Variants in ZNF609 observed in about 807,000 individuals in gnomAD.
The protein encoded by ZNF609 is zinc finger protein 609.
In ZNF609, 11 loss-of-function variants were observed where a neutral mutation model predicts 109.5. That is an observed-to-expected ratio of 0.10 (90% CI 0.06 to 0.17). ZNF609 has a LOEUF of 0.17. Among genes scored for constraint, ZNF609 ranks in the 10% least tolerant of loss-of-function variants. ZNF609 has a pLI of 1.00. For synonymous variants in ZNF609, 646 were observed against 662.0 expected, an observed-to-expected ratio of 0.98 and a Z score of 0.37; for missense variants, 1,559 against 1,772.4, an observed-to-expected ratio of 0.88 and a Z score of 2.16.
chr15:64,572,990 C>G (rs1055461626), intron 2 of ZNF609, among the ~76,000 whole-genome samples: 1 of 152,152 alleles, frequency 6.6e-6, no homozygotes, highest in Non-Finnish European at 1.5e-5. Flanking sequence ...AAGCATGGAC[C>G]TAGATTTTGG....
At chr15:64,656,035 GC>G (rs1284116191) in intron 3 of ZNF609, among the ~76,000 whole-genome samples, 1 of 151,974 alleles carries the variant, frequency 6.6e-6, no homozygotes, top group Non-Finnish European at 1.5e-5. Flanking sequence ...AAGCAACTCA[GC>G]ACTCAGTCAA....
chr15:64,524,934 G>A (rs912127390), intron 2 of ZNF609, among the ~76,000 whole-genome samples: 5 of 152,076 alleles, frequency 3.3e-5, no homozygotes, highest in Non-Finnish European at 7.4e-5. Context: ...TTACATTCCC[G>A]CTAGCAGTGT....
intron 2 of ZNF609, among the ~76,000 whole-genome samples, chr15:64,535,200 C>T (rs190662242): frequency 6.6e-6 from 1 of 152,176 alleles, no homozygotes; most frequent in East Asian, 1.9e-4. Context: ...AGGCGCATGC[C>T]ACCACCCCTG....
Position 64,477,869 on chromosome 15 carries a change from A to G in ZNF609, c.-128+17031A>G, listed in dbSNP as rs1163832462. ...GTCTTGGAACTCCTGACATCAGGTG[A>G]TCCACCCACCTCAGCCTCCCAAAGT... is the stretch of plus-strand genomic sequence containing the variant. On this transcript the variant is annotated intron_variant, in intron 1 of 9. Transcript: ENST00000326648. Among the ~76,000 whole-genome samples the G allele has an allele frequency of 2.6e-5, 4 of 151,982 alleles. No individual in the cohort carries two copies. In the East Asian group the frequency reaches 7.7e-4, roughly 29 times the overall value.
At chr15:64,578,966 T>A (rs1055454773) in intron 2 of ZNF609, among the ~76,000 whole-genome samples, 1 of 152,118 alleles carries the variant, frequency 6.6e-6, no homozygotes, top group African/African-American at 2.4e-5. Context: ...AGGGCCACTA[T>A]ATTCCAGCCT....
At chr15:64,654,615 A>G (rs1896463521) in intron 3 of ZNF609, among the ~76,000 whole-genome samples, 1 of 152,074 alleles carries the variant, frequency 6.6e-6, no homozygotes, top group South Asian at 2.1e-4. Context: ...GCGTGTGTTT[A>G]TCTCAACTGG....
chr15:64,547,204 C>T (rs1894379338), intron 2 of ZNF609, among the ~76,000 whole-genome samples: 1 of 152,156 alleles, frequency 6.6e-6, no homozygotes, highest in Admixed American at 6.5e-5. Context: ...ATATCAATGT[C>T]AATTAGCCCT....
intron 3 of ZNF609, among the ~76,000 whole-genome samples, chr15:64,627,533 A>G (rs560896153): frequency 1.5e-4 from 23 of 152,078 alleles, no homozygotes; most frequent in South Asian, 4.1e-4. Context: ...GGAGACTTCT[A>G]TATCTCTGCC....
At chr15:64,558,407 G>A (rs1894624904) in intron 2 of ZNF609, among the ~76,000 whole-genome samples, 1 of 152,156 alleles carries the variant, frequency 6.6e-6, no homozygotes, top group African/African-American at 2.4e-5. Context: ...TTCATAGGGT[G>A]GTTGGGAGAG....
chr15:64,506,996 G>C (rs909605569), intron 2 of ZNF609, among the ~76,000 whole-genome samples: 2 of 152,170 alleles, frequency 1.3e-5, no homozygotes, highest in African/African-American at 2.4e-5. Flanking sequence ...AATTTTCATG[G>C]TGGTGATGTG....
chr15:64,460,253 T>TC (rs963978014), upstream of ZNF609, among the ~76,000 whole-genome samples: 4 of 151,672 alleles, frequency 2.6e-5, no homozygotes, highest in African/African-American at 4.8e-5. Flanking sequence ...GGTGCAATAC[T>TC]CCCCCCAGAG....
chr15:64,497,496 C>G (rs1161586455), intron 1 of ZNF609, among the ~76,000 whole-genome samples: 4 of 152,150 alleles, frequency 2.6e-5, no homozygotes, highest in Non-Finnish European at 5.9e-5. Flanking sequence ...TACAATTTGT[C>G]TTGTCTGTGT....
chr15:64,665,705 T>A (rs1567042605), intron 3 of ZNF609, among the ~76,000 whole-genome samples: 1 of 150,484 alleles, frequency 6.6e-6, no homozygotes, highest in East Asian at 2.0e-4. Flanking sequence ...AGGTCAGGAG[T>A]TTGAGACCAG....
At chr15:64,496,571 A>G (rs934747051) in intron 1 of ZNF609, among the ~76,000 whole-genome samples, 1 of 152,172 alleles carries the variant, frequency 6.6e-6, no homozygotes, top group Admixed American at 6.5e-5. Flanking sequence ...CATAATAGAA[A>G]AATTATTTTC....
At chr15:64,553,590 T>TTTTTA (rs531132528) in intron 2 of ZNF609, among the ~76,000 whole-genome samples, 4 of 151,254 alleles carry the variant, frequency 2.6e-5, no homozygotes, top group Admixed American at 6.6e-5. Context: ...TTTATTTTTA[T>TTTTTA]TTTTATTTTA....
intron 2 of ZNF609, among the ~76,000 whole-genome samples, chr15:64,545,677 C>T (rs1449089878): frequency 6.6e-6 from 1 of 152,152 alleles, no homozygotes; most frequent in Non-Finnish European, 1.5e-5. Flanking sequence ...AGTTTTCTCT[C>T]CCTGCCCCCA....
intron 2 of ZNF609, among the ~76,000 whole-genome samples, chr15:64,600,388 T>G (rs570236600): frequency 4.4e-4 from 62 of 141,590 alleles, no homozygotes; most frequent in Non-Finnish European, 7.1e-4. Context: ...AGTCGGAGGT[T>G]GCAGTGAGCA....
At chr15:64,601,017 C>G (rs922993109) in intron 2 of ZNF609, among the ~76,000 whole-genome samples, 2 of 152,130 alleles carry the variant, frequency 1.3e-5, no homozygotes, top group Non-Finnish European at 2.9e-5. Flanking sequence ...CCCATTTGTT[C>G]CCCACACTGC....
rs1213930815 is a variant in ZNF609 at position 64,685,456 on chromosome 15, C to G, written c.*3770C>G. On this transcript the variant is annotated 3_prime_UTR_variant, in exon 10 of 10. Coordinates refer to ENST00000326648, the MANE Select transcript of ZNF609 (RefSeq NM_015042.2). ...GTGTCCAGACTACCTGCCTTGTAAC[C>G]CTTTTCTGCCCAGCATTGTTTTCTG... 1 of 152,820 alleles carries G rather than the reference C, an allele frequency of 6.5e-6. No individual in the cohort carries two copies. The highest frequency in any genetic ancestry group is 6.5e-5 in the Admixed American group (1 of 15,274). 9.5% of individuals were successfully genotyped at this position (152,820 alleles called of 1,614,324 possible). A position where few individuals can be genotyped will look rare whatever the true frequency, so the allele number is the denominator to read the frequency against.
Sources: gnomAD v4.1 joint callset for allele counts (sites outside exome capture counted in the v4.1 genomes callset) on GRCh38, gnomAD v4.1.1 for gene constraint, MANE v1.5 for transcripts, NCBI Gene and HGNC (gene_info 2026-07-23, HGNC 2026-07-21) for gene names.